Variants in TAFA1 observed in about 807,000 individuals in gnomAD.
TAFA1 encodes TAFA chemokine like family member 1.
In TAFA1, 4 loss-of-function variants were observed where a neutral mutation model predicts 18.5. The observed-to-expected ratio is 0.22, with a 90% confidence interval of 0.11 to 0.49. TAFA1 has a LOEUF of 0.49. TAFA1 is among the 20% of genes least tolerant of loss of function. TAFA1 has a pLI of 0.98. For synonymous variants in TAFA1, 56 were observed against 55.2 expected (o/e 1.01, Z -0.06); for missense variants, 147 against 169.0 (o/e 0.87, Z 0.72).
intron 3 of TAFA1, among the ~76,000 whole-genome samples, chr3:68,503,302 T>C (rs1430114912): frequency 1.3e-5 from 2 of 152,174 alleles, no homozygotes; most frequent in Admixed American, 1.3e-4. Flanking sequence ...TATGTACAAG[T>C]ACTGCAAAAC....
chr3:68,453,659 C>T (rs1053490540), intron 3 of TAFA1, among the ~76,000 whole-genome samples: 2 of 152,216 alleles, frequency 1.3e-5, no homozygotes, highest in Non-Finnish European at 2.9e-5. Flanking sequence ...GTGTAAGCAT[C>T]TGGCAAAGGA....
intron 3 of TAFA1, among the ~76,000 whole-genome samples, chr3:68,484,141 A>G (rs1253931191): frequency 6.6e-6 from 1 of 152,250 alleles, no homozygotes; most frequent in Non-Finnish European, 1.5e-5. Context: ...TGTAATCAAT[A>G]TAAAAATTAT....
rs532086292 is a variant in TAFA1, at chr3:68,074,550, G to A, written c.118+67806G>A. Reference sequence around the variant, plus strand: ...AAAACAAAAATGCCTACAGCAAAGGGATATGATGACACTAAAATGAAAAAG... The same window carrying A: ...AAAACAAAAATGCCTACAGCAAAGGAATATGATGACACTAAAATGAAAAAG... On this transcript the variant is annotated intron_variant, in intron 2 of 4. Coordinates refer to ENST00000478136, the MANE Select transcript of TAFA1 (RefSeq NM_213609.4). 2.6e-5 allele frequency among the ~76,000 whole-genome samples: 4 copies of A among 152,258 alleles called. No homozygotes were observed. In the South Asian group the frequency reaches 8.3e-4, roughly 32 times the overall value.
At chr3:68,502,034 C>A (rs1030095388) in intron 3 of TAFA1, among the ~76,000 whole-genome samples, 1 of 152,074 alleles carries the variant, frequency 6.6e-6, no homozygotes, top group African/African-American at 2.4e-5. Context: ...TCAAGCTGGG[C>A]CTTAGTACAT....
intron 2 of TAFA1, among the ~76,000 whole-genome samples, chr3:68,352,523 G>A (rs2106777382): frequency 6.6e-6 from 1 of 152,164 alleles, no homozygotes; most frequent in East Asian, 1.9e-4. Context: ...TGCCATATCT[G>A]AGCTGACAAG....
intron 2 of TAFA1, among the ~76,000 whole-genome samples, chr3:68,055,500 G>A (rs1386383889): frequency 2.0e-5 from 3 of 152,072 alleles, no homozygotes; most frequent in African/African-American, 7.2e-5. Flanking sequence ...TTGAAACACA[G>A]TTATTAAATA....
At chr3:68,252,729 A>G (rs1296313962) in intron 2 of TAFA1, among the ~76,000 whole-genome samples, 2 of 152,022 alleles carry the variant, frequency 1.3e-5, no homozygotes, top group African/African-American at 2.4e-5. Flanking sequence ...CCAGCTACTT[A>G]AAATCTCTGT....
At chr3:68,428,432 C>T (rs2071100095) in intron 3 of TAFA1, among the ~76,000 whole-genome samples, 1 of 151,922 alleles carries the variant, frequency 6.6e-6, no homozygotes, top group South Asian at 2.1e-4. Context: ...GTCATAAACA[C>T]AGGCATCCTT....
chr3:68,053,328 T>A (rs900982405), intron 2 of TAFA1, among the ~76,000 whole-genome samples: 2 of 152,128 alleles, frequency 1.3e-5, no homozygotes, highest in Admixed American at 6.6e-5. Flanking sequence ...TTACTCCCCA[T>A]AGGTTGCCTA....
chr3:68,389,110 C>T (rs1190976593), intron 2 of TAFA1, among the ~76,000 whole-genome samples: 3 of 152,184 alleles, frequency 2.0e-5, no homozygotes, highest in Non-Finnish European at 4.4e-5. Context: ...TTTTGAAGTT[C>T]ATCCATGTAG....
chr3:68,442,401 T>A (rs2071400236), intron 3 of TAFA1, among the ~76,000 whole-genome samples: 1 of 152,220 alleles, frequency 6.6e-6, no homozygotes, highest in Non-Finnish European at 1.5e-5. Flanking sequence ...CAAAGACAAC[T>A]CATTTATCCA....
chr3:68,461,486 C>T (rs562062830), intron 3 of TAFA1, among the ~76,000 whole-genome samples: 1 of 151,214 alleles, frequency 6.6e-6, no homozygotes, highest in East Asian at 2.0e-4. Context: ...TTCTCAGCCG[C>T]TCTGGCTGTT....
intron 2 of TAFA1, among the ~76,000 whole-genome samples, chr3:68,042,797 G>A (rs1254826717): frequency 6.6e-6 from 1 of 152,176 alleles, no homozygotes; most frequent in Non-Finnish European, 1.5e-5. Flanking sequence ...CAGGCACAGA[G>A]GCTGGTGACT....
At chr3:68,324,218 G>GT (rs1202371433) in intron 2 of TAFA1, among the ~76,000 whole-genome samples, 2 of 151,992 alleles carry the variant, frequency 1.3e-5, no homozygotes, top group African/African-American at 2.4e-5. Context: ...GATTGTGTTT[G>GT]TTTTTGATAT....
chr3:68,137,162 C>T (rs1459121365), intron 2 of TAFA1, among the ~76,000 whole-genome samples: 1 of 152,006 alleles, frequency 6.6e-6, no homozygotes, highest in Admixed American at 6.6e-5. Flanking sequence ...AGTTAAGAGA[C>T]TCCTCTAAAC....
chr3:68,498,615 A>G (rs969511312), intron 3 of TAFA1, among the ~76,000 whole-genome samples: 1 of 151,888 alleles, frequency 6.6e-6, no homozygotes, highest in Non-Finnish European at 1.5e-5. Flanking sequence ...AAAATGCAAG[A>G]CAGCTTGAGG....
At chr3:68,267,349 T>A (rs141584482) in intron 2 of TAFA1, among the ~76,000 whole-genome samples, 1 of 152,212 alleles carries the variant, frequency 6.6e-6, no homozygotes, top group African/African-American at 2.4e-5. Flanking sequence ...CTGTTCTACT[T>A]AGGTTCCATG....
intron 2 of TAFA1, among the ~76,000 whole-genome samples, chr3:68,137,283 GT>G (rs1231344023): frequency 2.0e-5 from 3 of 148,398 alleles, no homozygotes; most frequent in Non-Finnish European, 4.5e-5. Context: ...TCTATTTTTT[GT>G]TGTTCTTTCA....
chr3:68,411,739 G>A (rs2070722620), intron 2 of TAFA1, among the ~76,000 whole-genome samples: 2 of 152,298 alleles, frequency 1.3e-5, no homozygotes, highest in Middle Eastern at 3.4e-3. Context: ...CCCACAAAAT[G>A]TGTCTTTAGA....
Sources: gnomAD v4.1 joint callset for allele counts (sites outside exome capture counted in the v4.1 genomes callset) on GRCh38, gnomAD v4.1.1 for gene constraint, MANE v1.5 for transcripts, NCBI Gene and HGNC (gene_info 2026-07-23, HGNC 2026-07-21) for gene names.